The following DSCAM variants were observed in gnomAD, a reference collection of about 807,000 sequenced individuals.
DSCAM encodes DS cell adhesion molecule.
A neutral mutation model predicts 217.7 loss-of-function variants in DSCAM; 47 were observed. That is an observed-to-expected ratio of 0.22 (90% CI 0.17 to 0.28). DSCAM has a LOEUF of 0.28. Ranked by LOEUF, DSCAM falls within the 10% of genes least tolerant of loss-of-function variation. The probability of loss-of-function intolerance (pLI) is 1.00; values close to 1 mark genes in which losing one functional copy is unlikely to be tolerated. For missense variants in DSCAM, 2,080 were observed against 2,618.3 expected, an observed-to-expected ratio of 0.79 and a Z score of 4.49; for synonymous variants, 1,056 against 1,015.3, an observed-to-expected ratio of 1.04 and a Z score of -0.76.
At chr21:40,253,541 G>A (rs61597018) in intron 11 of DSCAM, among the ~76,000 whole-genome samples, 6,272 of 152,192 alleles carry the variant, frequency 0.041, 444 homozygotes, top group African/African-American at 0.14. Context: ...CTGGCCTTCT[G>A]GAAAGACCAA....
chr21:40,825,266 TTTCC>T (rs142604153), intron 1 of DSCAM, among the ~76,000 whole-genome samples: 38,339 of 139,716 alleles, frequency 0.27, 5,332 homozygotes, highest in Middle Eastern at 0.36. Flanking sequence ...ATTTTCTTTC[TTTCC>T]TTCCTTCCTT....
At chr21:40,580,344 C>T (rs2076894642) in intron 3 of DSCAM, among the ~76,000 whole-genome samples, 1 of 151,930 alleles carries the variant, frequency 6.6e-6, no homozygotes, top group African/African-American at 2.4e-5. Context: ...ACCAGCCTGG[C>T]CAACATGGTG....
At chr21:40,339,027 C>T in intron 7 of DSCAM, 92 bp downstream of exon 7, 1 of 1,485,998 alleles carries the variant, frequency 6.7e-7, no homozygotes, top group Non-Finnish European at 9.2e-7. Context: ...TCCGCTCTGG[C>T]ATTCCAAGAC....
chr21:40,685,011 G>T (rs2090458051), intron 3 of DSCAM, among the ~76,000 whole-genome samples: 2 of 152,328 alleles, frequency 1.3e-5, no homozygotes, highest in South Asian at 2.1e-4. Context: ...GGTGGAGCAA[G>T]GGAAGAGTAT....
chr21:40,663,443 C>T (rs543167358), intron 3 of DSCAM, among the ~76,000 whole-genome samples: 3 of 152,038 alleles, frequency 2.0e-5, no homozygotes, highest in Non-Finnish European at 2.9e-5. Context: ...CTCCTCCCAC[C>T]GCTTCAACAC....
At chr21:40,418,017 T>C (rs955891004) in intron 3 of DSCAM, among the ~76,000 whole-genome samples, 3 of 152,182 alleles carry the variant, frequency 2.0e-5, no homozygotes, top group African/African-American at 4.8e-5. Context: ...CTTTCTTCTA[T>C]GCAAAAGTTC....
At chr21:40,099,235 A>G (rs2089720375) in intron 20 of DSCAM, among the ~76,000 whole-genome samples, 1 of 152,234 alleles carries the variant, frequency 6.6e-6, no homozygotes, top group African/African-American at 2.4e-5. Context: ...CAAAACACAC[A>G]CTTTAATTTT....
chr21:40,749,457 C>T (rs1166806124), intron 1 of DSCAM, among the ~76,000 whole-genome samples: 1 of 152,050 alleles, frequency 6.6e-6, no homozygotes, highest in Non-Finnish European at 1.5e-5. Context: ...AAATGGCCAA[C>T]AGCTATATGA....
chr21:40,055,994 TTCATTCAAA>T (rs1425122947), intron 28 of DSCAM, among the ~76,000 whole-genome samples, 154 bp from the exon 29 acceptor site: 68 of 152,356 alleles, frequency 4.5e-4, no homozygotes, highest in Middle Eastern at 3.4e-3. Flanking sequence ...AAACGTTTCC[TTCATTCAAA>T]TGTTATTTAT....
chr21:40,063,365 A>C (rs1206517303), intron 27 of DSCAM, among the ~76,000 whole-genome samples: 1 of 152,144 alleles, frequency 6.6e-6, no homozygotes, highest in Non-Finnish European at 1.5e-5. Flanking sequence ...GTTCCTGGAA[A>C]CTTAGATGTT....
intron 3 of DSCAM, among the ~76,000 whole-genome samples, chr21:40,686,058 G>C (rs546322999): frequency 9.5e-4 from 144 of 152,118 alleles, no homozygotes; most frequent in African/African-American, 3.3e-3. Context: ...GGAAATCAAG[G>C]GGGATTTTAG....
At chr21:40,226,542 A>G (rs1688057130) in intron 11 of DSCAM, among the ~76,000 whole-genome samples, 1 of 152,130 alleles carries the variant, frequency 6.6e-6, no homozygotes, top group Non-Finnish European at 1.5e-5. Flanking sequence ...ACAAGAGCTA[A>G]GTGAGGAGGC....
chr21:40,285,546 C>T (rs886748133), intron 10 of DSCAM, among the ~76,000 whole-genome samples: 4 of 152,256 alleles, frequency 2.6e-5, no homozygotes, highest in African/African-American at 9.6e-5. Context: ...CAGAGGAAGG[C>T]AGGTTTTCTG....
intron 3 of DSCAM, among the ~76,000 whole-genome samples, chr21:40,679,525 T>G (rs535124670): frequency 6.6e-6 from 1 of 152,290 alleles, no homozygotes; most frequent in East Asian, 1.9e-4. Flanking sequence ...TGTCGAGAAG[T>G]TTTTAGGTAT....
chr21:40,610,423 G>T (rs1286890430), intron 3 of DSCAM, among the ~76,000 whole-genome samples: 2 of 152,220 alleles, frequency 1.3e-5, no homozygotes, highest in Non-Finnish European at 2.9e-5. Context: ...AGCCCAGCAC[G>T]GGCTGCCCAT....
chr21:40,602,359 T>C (rs2077068999), intron 3 of DSCAM, among the ~76,000 whole-genome samples: 1 of 152,138 alleles, frequency 6.6e-6, no homozygotes, highest in South Asian at 2.1e-4. Flanking sequence ...TAACGTCAGC[T>C]CAGCTTTTAT....
intron 14 of DSCAM, among the ~76,000 whole-genome samples, chr21:40,182,984 G>A (rs112272829): frequency 0.029 from 92 of 3,228 alleles, 7 homozygotes; most frequent in Non-Finnish European, 0.039. Context: ...CCGTGGACGG[G>A]GGGGGTTACC....
intron 27 of DSCAM, among the ~76,000 whole-genome samples, chr21:40,068,355 G>A (rs1245994318): frequency 1.3e-5 from 2 of 152,112 alleles, no homozygotes; most frequent in Admixed American, 6.5e-5. Context: ...ATACTCTCAA[G>A]TATTCAGTGG....
chr21:40,590,917 C>G (rs1275350566), intron 3 of DSCAM, among the ~76,000 whole-genome samples: 2 of 152,100 alleles, frequency 1.3e-5, no homozygotes, highest in African/African-American at 4.8e-5. Context: ...GCTGCTATAA[C>G]AAAATGCCAT....
Sources: allele counts gnomAD v4.1 joint callset (sites outside exome capture counted in the v4.1 genomes callset), GRCh38; gene constraint gnomAD v4.1.1; transcripts MANE v1.5; gene names NCBI Gene and HGNC (gene_info 2026-07-23, HGNC 2026-07-21).